The following INTS7 variants were observed in gnomAD, a reference collection of about 807,000 sequenced individuals.
The protein encoded by INTS7 is integrator complex subunit 7, also known as chromosome 1 open reading frame 73.
In INTS7, 46 loss-of-function variants were observed where a neutral mutation model predicts 109.2. The observed-to-expected ratio is 0.42, with a 90% CI of 0.33 to 0.54. The LOEUF (loss-of-function observed/expected upper bound fraction) is 0.54, where lower values mean the gene tolerates loss of function less well. INTS7 is among the 20% of genes least tolerant of loss of function. The probability of loss-of-function intolerance (pLI) is 0.07; values close to 1 mark genes in which losing one functional copy is unlikely to be tolerated. For missense variants in INTS7, 929 were observed against 1,132.4 expected (o/e 0.82, Z 2.58); for synonymous variants, 412 against 402.9 (o/e 1.02, Z -0.27).
chr1:212,024,472 T>G (rs1301540778), intron 1 of INTS7, among the ~76,000 whole-genome samples: 1 of 152,204 alleles, frequency 6.6e-6, no homozygotes, highest in Non-Finnish European at 1.5e-5. Context: ...TCTTTCTTAA[T>G]GCAGGTAAAC....
chr1:211,950,889 GA>G (rs1160920780), intron 17 of INTS7, among the ~76,000 whole-genome samples: 2 of 152,166 alleles, frequency 1.3e-5, no homozygotes, highest in African/African-American at 2.4e-5. Flanking sequence ...ATGGAGCTTA[GA>G]AGAATATGAA....
Position 211,988,013 on chromosome 1 carries a change from A to G in INTS7, c.880-10T>C, listed in dbSNP as rs773085132. 15 of 1,368,012 alleles carry G rather than the reference A, an allele frequency of 1.1e-5. No homozygotes were observed. In the South Asian group the frequency reaches 1.3e-4, roughly 12 times the overall value. The allele number at this position is 1,368,012 out of a possible 1,614,324, so 84.7% of individuals were successfully genotyped here. ...CACACTCACAAAGTGCCTGGAATGC[A>G]GAAGAGAAATGAATATAGAAGTTAA... On this transcript the variant is annotated splice_polypyrimidine_tract_variant and intron_variant, in intron 7 of 19. Transcript: ENST00000366994.
rs1255911005 is a variant in INTS7, at chr1:212,007,405, G to C, written c.601C>G (p.Leu201Val). The change falls in exon 6 of 20, where the codon CTA (leucine) becomes GTA (valine). Residue 201 changes from leucine (L) to valine (V), a missense_variant. Around this residue, in one of 2 missense-constraint regions of INTS7, gnomAD observed 787 missense variants for 901.1 expected, o/e 0.87. Transcript: ENST00000366994. ...VDLKLKLIPI[L>V]QHMHHDAILA... ...ATTGCATCATGGTGCATGTGCTGTA[G>C]AATGGGTATCAATTTTAGCTTCAAG... is the stretch of plus-strand genomic sequence containing the variant. 3.7e-6 allele frequency: 6 copies of C among 1,613,938 alleles called. No individual in the cohort carries two copies. Among genetic ancestry groups the C allele is most frequent in the Non-Finnish European group, 5.1e-6 (6 of 1,179,870 alleles).
chr1:211,973,169 C>T (rs1571864196), intron 13 of INTS7, among the ~76,000 whole-genome samples: 1 of 152,142 alleles, frequency 6.6e-6, no homozygotes, highest in Admixed American at 6.5e-5. Flanking sequence ...TGGTCTCAAA[C>T]TCCTGGGCTC....
Position 212,021,174 on chromosome 1 carries a change from C to T in INTS7, c.133G>A (p.Val45Ile). The T allele has an allele frequency of 6.2e-7, 1 of 1,612,594 alleles. No individual in the cohort carries two copies. The highest frequency in any genetic ancestry group is 1.7e-5 in the Admixed American group (1 of 59,898). Reference sequence around the variant, plus strand: ...TGAAAAAGTCTGGGAAAGCGAACAACTGCTTCACACTGTTCACCAAGTTTG... The same window carrying T: ...TGAAAAAGTCTGGGAAAGCGAACAATTGCTTCACACTGTTCACCAAGTTTG... ...SGKLGEQCEA[V>I]VRFPRLFQKY... is the part of the protein sequence containing the mutation. Residue 45 changes from valine (V) to isoleucine (I), a missense_variant, in exon 2 of 20, where the codon GTT (valine) becomes ATT (isoleucine). Physicochemically the swap from Val to Ile is conservative, Grantham distance 29. Transcript: ENST00000366994.
intron 19 of INTS7, 71 bp downstream of exon 19, chr1:211,944,713 A>G: frequency 7.8e-7 from 1 of 1,278,442 alleles, no homozygotes; most frequent in South Asian, 1.3e-5. Context: ...AACCATGAAA[A>G]ACACTGGAAA....
At position 211,946,605 on chromosome 1, in the gene INTS7, A is replaced by G; in HGVS notation, c.2415+2T>C. 1 of 1,564,824 alleles carries G rather than the reference A, an allele frequency of 6.4e-7. No homozygotes were observed. The highest frequency in any genetic ancestry group is 8.8e-7 in the Non-Finnish European group (1 of 1,135,502). ...TTAACCTTAGTATTCTTCCTGTATT[A>G]CCTTGATGCTGGTAGACTGTAGTTT... On this transcript the variant is annotated splice_donor_variant, in intron 18 of 19. Transcript: ENST00000366994. LOFTEE classifies it high-confidence loss of function. This position sits in a 1 kb window ranked among gnomAD's most constrained non-coding sequence, Gnocchi z 4.3.
Position 212,035,337 on chromosome 1 carries a change from C to T in INTS7, c.94+7G>A, listed in dbSNP as rs377604249. 3 of 1,595,274 alleles carry T rather than the reference C, an allele frequency of 1.9e-6. No individual in the cohort carries two copies. The highest frequency in any genetic ancestry group is 2.7e-5 in the African/African-American group (2 of 74,566). ...GTTTCACCCATTCAGCCCTCTCTTTCGAATACCTTTGTCCAATTCCATAAG... is the reference window on the plus strand; with the variant it reads ...GTTTCACCCATTCAGCCCTCTCTTTTGAATACCTTTGTCCAATTCCATAAG... On this transcript the variant is annotated splice_region_variant and intron_variant, in intron 1 of 19. Coordinates refer to ENST00000366994, the MANE Select transcript of INTS7 (RefSeq NM_015434.4).
chr1:211,978,404 C>A lies in INTS7; in HGVS notation c.1338G>T (p.Arg446=), dbSNP rs756942982. The stretch of plus-strand genomic sequence containing the variant: ...CTGCCAGGCAATGGCACATCAAAAT[C>A]CGGGCAGCGTCTTGAGCACTGTGCA... ...TQLHSAQDAA[R]ILMCHCLAAI... Residue 446 remains arginine, a synonymous_variant, in exon 11 of 20, where the codon CGG becomes CGT. Coordinates refer to ENST00000366994, the MANE Select transcript of INTS7 (RefSeq NM_015434.4). 32 of 1,614,110 alleles carry A rather than the reference C, an allele frequency of 2.0e-5. No homozygotes were observed. The highest frequency in any genetic ancestry group is 2.7e-5 in the Non-Finnish European group (32 of 1,180,058).
intron 13 of INTS7, among the ~76,000 whole-genome samples, chr1:211,974,274 A>ATATATATAT (rs1553249475): frequency 1.6e-3 from 128 of 79,484 alleles, no homozygotes; most frequent in African/African-American, 4.0e-3. Flanking sequence ...CCAGAAAAAA[A>ATATATATAT]AAATATATAT....
intron 7 of INTS7, among the ~76,000 whole-genome samples, chr1:212,005,823 T>C (rs1361764641): frequency 6.6e-6 from 1 of 152,224 alleles, no homozygotes; most frequent in Non-Finnish European, 1.5e-5. Flanking sequence ...ATCTATTAAA[T>C]GCAGATTTAA....
chr1:212,035,311 T>G, intron 1 of INTS7, 33 bp downstream of exon 1: 1 of 1,428,366 alleles, frequency 7.0e-7, no homozygotes, highest in East Asian at 2.3e-5. Context: ...CCCCCACGCC[T>G]GTTTCACCCA....
intron 19 of INTS7, 91 bp downstream of exon 19, chr1:211,944,692 GC>G: frequency 9.7e-7 from 1 of 1,033,306 alleles, no homozygotes; most frequent in Non-Finnish European, 1.5e-6. Flanking sequence ...AGGTATAACT[GC>G]AATCTATTTA....
chr1:211,994,217 T>C (rs2102448211), intron 7 of INTS7, among the ~76,000 whole-genome samples: 2 of 152,306 alleles, frequency 1.3e-5, no homozygotes, highest in Middle Eastern at 3.4e-3. Flanking sequence ...TGTTATACAA[T>C]CACTCTTGGT....
intron 7 of INTS7, among the ~76,000 whole-genome samples, chr1:211,999,208 A>G (rs1350293170): frequency 6.6e-6 from 1 of 152,248 alleles, no homozygotes; most frequent in Non-Finnish European, 1.5e-5. Flanking sequence ...AAAAACCCAG[A>G]AACAATCCAA....
chr1:212,029,112 G>A (rs1215407949), intron 1 of INTS7, among the ~76,000 whole-genome samples: 2 of 152,194 alleles, frequency 1.3e-5, no homozygotes, highest in Non-Finnish European at 2.9e-5. Context: ...TGGGGTTTGG[G>A]ATACACATTA....
intron 1 of INTS7, among the ~76,000 whole-genome samples, chr1:212,024,655 T>C (rs1252992679): frequency 6.6e-6 from 1 of 152,208 alleles, no homozygotes; most frequent in Non-Finnish European, 1.5e-5. Context: ...TTGTGGTATA[T>C]CCATACAATG....
At chr1:211,958,486 C>T (rs114132798) in intron 16 of INTS7, among the ~76,000 whole-genome samples, 3,918 of 152,124 alleles carry the variant, frequency 0.026, 52 homozygotes, top group African/African-American at 0.045. Context: ...AATTTGATTG[C>T]TACGTGTGCC....
At chr1:212,031,883 T>C (rs552225796) in intron 1 of INTS7, among the ~76,000 whole-genome samples, 1 of 152,332 alleles carries the variant, frequency 6.6e-6, no homozygotes, top group East Asian at 1.9e-4. Context: ...CAGTTATAAA[T>C]ATATAACAGG....
Sources: gnomAD v4.1 joint callset for allele counts (sites outside exome capture counted in the v4.1 genomes callset) on GRCh38, gnomAD v4.1.1 for gene constraint, gnomAD v4.1.1 regional missense constraint, Gnocchi (gnomAD v3.1) non-coding constraint, MANE v1.5 for transcripts, NCBI Gene and HGNC (gene_info 2026-07-23, HGNC 2026-07-21) for gene names.